CSMD2: variants seen among roughly 807,000 people sequenced by gnomAD.
CSMD2 encodes the protein CUB and sushi domain-containing protein 2.
CSMD2 carries 130 observed loss-of-function variants against 398.5 expected under a neutral mutation model. That is an observed-to-expected ratio of 0.33 (90% confidence interval 0.28 to 0.38). The LOEUF is 0.38. Ranked by LOEUF, CSMD2 falls within the 10% of genes least tolerant of loss-of-function variation. The probability of loss-of-function intolerance (pLI) is 1.00; values close to 1 mark genes in which losing one functional copy is unlikely to be tolerated. For synonymous variants in CSMD2, 1,828 were observed against 1,908.5 expected (o/e 0.96, Z 1.10); for missense variants, 3,829 against 4,764.9 (o/e 0.80, Z 5.78).
rs144281900 is a variant in CSMD2 at position 33,585,596 on chromosome 1, G to C, written c.7051+908C>G. 7.2e-5 allele frequency among the ~76,000 whole-genome samples: 11 copies of C among 152,284 alleles called. No homozygotes were observed. The East Asian group carries it at 2.1e-3, about 29-fold the overall frequency. On this transcript the variant is annotated intron_variant, in intron 46 of 70. Transcript: ENST00000373381. ...GACATGTTCCTGATTTCACTAATCCGATGACCAGCACAGGGCACTGAGATG... is the reference window on the plus strand; with the variant it reads ...GACATGTTCCTGATTTCACTAATCCCATGACCAGCACAGGGCACTGAGATG...
intron 46 of CSMD2, among the ~76,000 whole-genome samples, chr1:33,585,920 A>G (rs957564480): frequency 1.3e-5 from 2 of 152,256 alleles, no homozygotes; most frequent in African/African-American, 2.4e-5. Flanking sequence ...CATAAGTACT[A>G]TCATTATCCT....
At chr1:34,081,417 C>A (rs1657101471) in intron 2 of CSMD2, among the ~76,000 whole-genome samples, 1 of 151,860 alleles carries the variant, frequency 6.6e-6, no homozygotes, top group African/African-American at 2.4e-5. Flanking sequence ...CCTCCCCCTC[C>A]CCCTCCCGCT....
At chr1:33,792,613 A>T in intron 10 of CSMD2, 87 bp from the exon 11 acceptor site, 1 of 839,432 alleles carries the variant, frequency 1.2e-6, no homozygotes, top group East Asian at 2.5e-5. Context: ...TTTCTGTGTT[A>T]TGTCCCAATG....
At chr1:33,844,029 C>G (rs1291042574) in intron 6 of CSMD2, among the ~76,000 whole-genome samples, 2 of 152,258 alleles carry the variant, frequency 1.3e-5, no homozygotes, top group Non-Finnish European at 2.9e-5. Flanking sequence ...ACCCTCACCT[C>G]TGTACATTGT....
At chr1:33,595,351 T>C (rs1441967085) in intron 44 of CSMD2, among the ~76,000 whole-genome samples, 2 of 152,234 alleles carry the variant, frequency 1.3e-5, no homozygotes, top group East Asian at 3.8e-4. Context: ...ATCATGGAAG[T>C]GATGCTGGCT....
At chr1:33,888,221 A>G (rs543045615) in intron 5 of CSMD2, among the ~76,000 whole-genome samples, 1 of 152,332 alleles carries the variant, frequency 6.6e-6, no homozygotes, top group Non-Finnish European at 1.5e-5. Context: ...AATTTCAACG[A>G]AAGTCACAGT....
At chr1:33,551,880 T>C (rs1162957282) in intron 55 of CSMD2, among the ~76,000 whole-genome samples, 1 of 152,114 alleles carries the variant, frequency 6.6e-6, no homozygotes, top group Non-Finnish European at 1.5e-5. Context: ...TATGCCACCA[T>C]GTAAGGAAGT....
chr1:33,874,467 C>A (rs982861373), intron 5 of CSMD2, among the ~76,000 whole-genome samples: 2 of 152,300 alleles, frequency 1.3e-5, no homozygotes, highest in Admixed American at 1.3e-4. Flanking sequence ...TGTCCTGTGT[C>A]TCCCTTCTCT....
Position 33,590,595 on chromosome 1 carries a change from T to TCACACACACACACA in CSMD2, c.6857-3441_6857-3428dup, listed in dbSNP as rs10611040. Among the ~76,000 whole-genome samples the TCACACACACACACA allele has an allele frequency of 8.3e-3, 1,137 of 137,690 alleles. 13 individuals carry two copies. The highest frequency in any genetic ancestry group is 0.015 in the Middle Eastern group (4 of 266). The allele number at this position is 137,690 out of a possible 152,430, so 90.3% of individuals were successfully genotyped here. ...ACAGACACGCCCTCCCTATTTCCCA[T>TCACACACACACACA]CACACACACACACACACACACACAC... On this transcript the variant is annotated intron_variant, in intron 44 of 70. Coordinates refer to ENST00000373381, the MANE Select transcript of CSMD2 (RefSeq NM_001281956.2).
At chr1:34,022,931 T>C (rs578040264) in intron 3 of CSMD2, among the ~76,000 whole-genome samples, 39 of 152,254 alleles carry the variant, frequency 2.6e-4, no homozygotes, top group African/African-American at 8.4e-4. Flanking sequence ...CCCTGGGCTC[T>C]AGTGATCCTC....
chr1:34,030,988 G>C (rs879779672), intron 3 of CSMD2, among the ~76,000 whole-genome samples: 4 of 152,180 alleles, frequency 2.6e-5, no homozygotes, highest in Non-Finnish European at 5.9e-5. Context: ...CTCCTAGTGA[G>C]GAGCTTGTTG....
intron 13 of CSMD2, among the ~76,000 whole-genome samples, chr1:33,760,899 C>T (rs776704325): frequency 9.2e-5 from 14 of 152,260 alleles, no homozygotes; most frequent in South Asian, 2.1e-4. Context: ...TCCCTTACCA[C>T]ACCCTCAATC....
intron 5 of CSMD2, among the ~76,000 whole-genome samples, chr1:33,906,409 G>C (rs1643091591): frequency 6.6e-6 from 1 of 152,158 alleles, no homozygotes; most frequent in Non-Finnish European, 1.5e-5. Flanking sequence ...AGGATGAATT[G>C]GACAGTGCCA....
Position 33,580,774 on chromosome 1 carries a change from C to T in CSMD2, c.7366G>A (p.Gly2456Ser), listed in dbSNP as rs1246293320. ...TCACCTGAATAGCGGATCTTGAAGC[C>T]CTTCCGATTGTAGGCGTGATCAGAT... is the stretch of plus-strand genomic sequence containing the variant. ...WSSDHAYNRK[G>S]FKIRYSAPYC... Residue 2456 changes from glycine (G) to serine (S), a missense_variant, in exon 48 of 71, where the codon GGC (glycine) becomes AGC (serine). Transcript: ENST00000373381. 1.9e-6 allele frequency: 3 copies of T among 1,614,086 alleles called. No homozygotes were observed. The highest frequency in any genetic ancestry group is 4.5e-5 in the East Asian group (2 of 44,850).
In CSMD2 at chr1:33,605,341, A is replaced by G. The variant is rs1395911306; in HGVS notation, c.6473T>C (p.Val2158Ala). The part of the protein sequence containing the change: ...LPGYQLTGHP[V>A]LTCQHGTNRN... ...GTTGGTGCCATGTTGACACGTGAGGACAGGGTGGCCAGTCAATTGATACCC... is the reference window on the plus strand; with the variant it reads ...GTTGGTGCCATGTTGACACGTGAGGGCAGGGTGGCCAGTCAATTGATACCC... Residue 2158 changes from valine to alanine, a missense_variant, in exon 42 of 71, where the codon GTC (valine) becomes GCC (alanine). Val to Ala is a moderately conservative substitution (Grantham distance 64). Coordinates refer to ENST00000373381, the MANE Select transcript of CSMD2 (RefSeq NM_001281956.2). 21 of 1,614,174 alleles carry G rather than the reference A, an allele frequency of 1.3e-5. No homozygotes were observed. Among genetic ancestry groups the G allele is most frequent in the Non-Finnish European group, 1.8e-5 (21 of 1,180,036 alleles).
At position 33,725,485 on chromosome 1, in the gene CSMD2, A is replaced by AGTCCGCC; in HGVS notation, c.2552_2558dup (p.Tyr854AlafsTer47). The AGTCCGCC allele has an allele frequency of 6.2e-7, 1 of 1,614,236 alleles. No individual in the cohort carries two copies. The highest frequency in any genetic ancestry group is 8.5e-7 in the Non-Finnish European group (1 of 1,180,036). Reference sequence around the variant, plus strand: ...AAACCCCGATCAAGGGCGCTGAGTAAGTCCGCCCATCGCGTACTTCCAGGG... The same window carrying AGTCCGCC: ...AAACCCCGATCAAGGGCGCTGAGTAAGTCCGCCGTCCGCCCATCGCGTACTTCCAGGG... On this transcript the variant is annotated frameshift_variant, in exon 17 of 71. Transcript: ENST00000373381. LOFTEE classifies it high-confidence loss of function.
chr1:33,520,082 G>A, intron 68 of CSMD2, 132 bp from the exon 69 acceptor site: 2 of 1,065,044 alleles, frequency 1.9e-6, no homozygotes, highest in Non-Finnish European at 2.7e-6. Context: ...GCTCAGCACG[G>A]GAGGCAGGTG....
chr1:33,997,046 A>T (rs1050618124), intron 3 of CSMD2, among the ~76,000 whole-genome samples: 5 of 152,294 alleles, frequency 3.3e-5, no homozygotes, highest in South Asian at 2.1e-4. Context: ...TCAGTTCATC[A>T]CATACTGGGT....
intron 3 of CSMD2, among the ~76,000 whole-genome samples, chr1:34,009,263 AT>A (rs1362177433): frequency 5.3e-5 from 8 of 151,258 alleles, no homozygotes; most frequent in Admixed American, 1.3e-4. Flanking sequence ...TCCCCTTATC[AT>A]TTTAATGTCC....
Sources: allele counts gnomAD v4.1 joint callset (sites outside exome capture counted in the v4.1 genomes callset), GRCh38; gene constraint gnomAD v4.1.1; transcripts MANE v1.5; gene names NCBI Gene and HGNC (gene_info 2026-07-23, HGNC 2026-07-21).